RBFOX1: variants seen among roughly 807,000 people sequenced by gnomAD.
RBFOX1 encodes RNA binding fox-1 homolog 1, also known as RNA binding protein fox-1 homolog 1.
A neutral mutation model predicts 57.7 loss-of-function variants in RBFOX1; 8 were observed. The ratio of observed to expected loss-of-function variants is 0.14; its 90% CI spans 0.08 to 0.25. RBFOX1 has a LOEUF of 0.25. RBFOX1 is among the 10% of genes least tolerant of loss of function. The probability of loss-of-function intolerance (pLI) is 1.00; values close to 1 mark genes in which losing one functional copy is unlikely to be tolerated. For synonymous variants in RBFOX1, 326 were observed against 222.4 expected (o/e 1.47, Z -4.15); for missense variants, 611 against 548.5 (o/e 1.11, Z -1.14).
At chr16:7,654,035 T>C in intron 12 of RBFOX1, 88 bp downstream of exon 12, 3 of 1,368,118 alleles carry the variant, frequency 2.2e-6, no homozygotes, top group Non-Finnish European at 2.9e-6. Context: ...CATGATGGTC[T>C]TGACTCCCCC....
intron 1 of RBFOX1, among the ~76,000 whole-genome samples, chr16:6,210,345 C>CAAAAAAAAA (rs770814967): frequency 5.0e-4 from 13 of 25,970 alleles, no homozygotes; most frequent in Non-Finnish European, 5.9e-4. Context: ...AACAAAAAAA[C>CAAAAAAAAA]AAAAAAAAAA....
At chr16:6,827,970 A>C (rs2092356319) in intron 3 of RBFOX1, among the ~76,000 whole-genome samples, 1 of 152,202 alleles carries the variant, frequency 6.6e-6, no homozygotes, top group African/African-American at 2.4e-5. Context: ...TATGCTCTGT[A>C]GGGGACAAAT....
chr16:6,949,935 G>A (rs527928526), intron 3 of RBFOX1, among the ~76,000 whole-genome samples: 7 of 145,486 alleles, frequency 4.8e-5, no homozygotes, highest in Admixed American at 3.4e-4. Context: ...CCCTGAGTAC[G>A]TTTTTTTGTT....
chr16:5,760,143 T>C (rs2053542292), intron 3 of RBFOX1, among the ~76,000 whole-genome samples: 1 of 152,170 alleles, frequency 6.6e-6, no homozygotes, highest in African/African-American at 2.4e-5. Context: ...CTGACTTTGT[T>C]AGGGTGACCA....
intron 4 of RBFOX1, among the ~76,000 whole-genome samples, chr16:7,420,022 G>C (rs1480823451): frequency 6.7e-6 from 1 of 149,446 alleles, no homozygotes; most frequent in Non-Finnish European, 1.5e-5. Flanking sequence ...GAAATCATTA[G>C]TGATATATGT....
intron 2 of RBFOX1, among the ~76,000 whole-genome samples, chr16:6,514,111 A>C (rs2096316372): frequency 6.6e-6 from 1 of 152,170 alleles, no homozygotes; most frequent in Non-Finnish European, 1.5e-5. Flanking sequence ...TCATTAGGTG[A>C]ACCCAGAAGT....
chr16:5,303,835 C>T lies in RBFOX1; in HGVS notation c.219+63730C>T, dbSNP rs558338494. Among the ~76,000 whole-genome samples, 4 of 152,120 alleles carry T rather than the reference C, an allele frequency of 2.6e-5. No homozygotes were observed. The Middle Eastern group carries it at 0.01, about 388-fold the overall frequency. ...TGAATTGCCCATAGAAGCTGAGATGCCTTTTTTCCCCTGGAGCTAGGCTCA... is the reference window on the plus strand; with the variant it reads ...TGAATTGCCCATAGAAGCTGAGATGTCTTTTTTCCCCTGGAGCTAGGCTCA... On this transcript the variant is annotated intron_variant, in intron 1 of 2. Coordinates refer to the RBFOX1 transcript ENST00000585867.
At chr16:7,435,625 A>G (rs777833507) in intron 4 of RBFOX1, among the ~76,000 whole-genome samples, 5 of 152,192 alleles carry the variant, frequency 3.3e-5, no homozygotes, top group Non-Finnish European at 5.9e-5. Context: ...ATGCAAGATG[A>G]ACTATTGCAA....
At chr16:7,506,068 C>A (rs989779329) in intron 4 of RBFOX1, among the ~76,000 whole-genome samples, 1 of 151,552 alleles carries the variant, frequency 6.6e-6, no homozygotes, top group East Asian at 2.0e-4. Flanking sequence ...ACCTGTAGTC[C>A]CAGCTACTTG....
intron 1 of RBFOX1, among the ~76,000 whole-genome samples, chr16:6,316,401 G>C (rs2081127868): frequency 6.6e-6 from 1 of 152,122 alleles, no homozygotes; most frequent in African/African-American, 2.4e-5. Flanking sequence ...TTACTGCTAG[G>C]ATACCTTGTA....
chr16:7,001,175 C>G (rs1035304553), intron 3 of RBFOX1, among the ~76,000 whole-genome samples: 1 of 152,034 alleles, frequency 6.6e-6, no homozygotes. Context: ...CTTGCATATT[C>G]CAAAGGAGAC....
At chr16:6,624,226 A>C (rs2098273705) in intron 2 of RBFOX1, among the ~76,000 whole-genome samples, 1 of 152,232 alleles carries the variant, frequency 6.6e-6, no homozygotes, top group Non-Finnish European at 1.5e-5. Context: ...CCTAAGGAGT[A>C]AGCCAGGAAA....
intron 3 of RBFOX1, among the ~76,000 whole-genome samples, chr16:7,036,437 G>A (rs529722342): frequency 4.3e-4 from 66 of 152,178 alleles, no homozygotes; most frequent in Admixed American, 1.5e-3. Context: ...GCGGCCGGGC[G>A]TGGTGGCTCA....
intron 2 of RBFOX1, among the ~76,000 whole-genome samples, chr16:6,324,172 T>C (rs1029410608): frequency 2.6e-5 from 3 of 113,674 alleles, no homozygotes; most frequent in South Asian, 6.3e-4. Flanking sequence ...TGAGTCTCCA[T>C]AGTTCATGCT....
At chr16:5,665,408 G>C (rs1386246404) in intron 3 of RBFOX1, among the ~76,000 whole-genome samples, 1 of 119,492 alleles carries the variant, frequency 8.4e-6, no homozygotes, top group Non-Finnish European at 2.0e-5. Context: ...CCTGATAAAA[G>C]TAGTTCTCCC....
At position 5,813,645 on chromosome 16, in the gene RBFOX1, C is replaced by T. The variant is rs146610283; in HGVS notation, c.319-53658C>T. ...TGAGTTTTAAGTGTTCTTTATATAA[C>T]AGGGATCCTGTATCAGGTATGTGAT... On this transcript the variant is annotated intron_variant, in intron 3 of 19. Transcript: ENST00000641259. Among the ~76,000 whole-genome samples the T allele has an allele frequency of 5.4e-4, 83 of 152,344 alleles. 2 individuals carry two copies. The highest frequency in any genetic ancestry group is 1.9e-3 in the African/African-American group (79 of 41,588).
chr16:6,223,271 G>C (rs1193666201), intron 1 of RBFOX1, among the ~76,000 whole-genome samples: 1 of 150,946 alleles, frequency 6.6e-6, no homozygotes, highest in African/African-American at 2.4e-5. Flanking sequence ...CTGAGGAATC[G>C]CCACACTGAC....
intron 3 of RBFOX1, among the ~76,000 whole-genome samples, chr16:5,835,653 T>C (rs1215404184): frequency 2.0e-5 from 3 of 152,236 alleles, no homozygotes; most frequent in Non-Finnish European, 4.4e-5. Context: ...TGGCTCTGCC[T>C]GGACCCTTCT....
At chr16:6,854,725 G>C (rs995385182) in intron 3 of RBFOX1, among the ~76,000 whole-genome samples, 1 of 150,970 alleles carries the variant, frequency 6.6e-6, no homozygotes, top group East Asian at 2.0e-4. Context: ...CTCCCGAGTA[G>C]CTGGAACTAC....
Sources: allele counts gnomAD v4.1 joint callset (sites outside exome capture counted in the v4.1 genomes callset), GRCh38; gene constraint gnomAD v4.1.1; transcripts MANE v1.5; gene names NCBI Gene and HGNC (gene_info 2026-07-23, HGNC 2026-07-21).